FAM193A: variants seen among roughly 807,000 people sequenced by gnomAD.
FAM193A encodes family with sequence similarity 193 member A.
A neutral mutation model predicts 126.5 loss-of-function variants in FAM193A; 22 were observed. The ratio of observed to expected loss-of-function variants is 0.17; its 90% CI spans 0.12 to 0.25. FAM193A has a LOEUF of 0.25. FAM193A is among the 10% of genes least tolerant of loss of function. FAM193A has a pLI of 1.00. For synonymous variants in FAM193A, 761 were observed against 646.8 expected (o/e 1.18, Z -2.68); for missense variants, 1,675 against 1,672.8 (o/e 1.00, Z -0.02).
At chr4:2,642,118 GT>G (rs1428478040) in intron 6 of FAM193A, among the ~76,000 whole-genome samples, 1 of 132,192 alleles carries the variant, frequency 7.6e-6, no homozygotes. Flanking sequence ...GTGAAACCCC[GT>G]CTCTACTAAA....
rs748732999 is a variant in FAM193A at position 2,693,862 on chromosome 4, C to A, written c.3080C>A (p.Pro1027Gln). 10 of 1,613,226 alleles carry A rather than the reference C, an allele frequency of 6.2e-6. No homozygotes were observed. In the Admixed American group the frequency reaches 1.7e-4, roughly 27 times the overall value. Residue 1027 changes from proline to glutamine, a missense_variant, in exon 16 of 21, where the codon CCA becomes CAA. Around this residue, in one of 4 missense-constraint regions of FAM193A, gnomAD observed 1,186 missense variants for 1,109.2 expected, o/e 1.07. Transcript: ENST00000637812. Reference protein sequence around the residue: ...PATDGSISAPPSVCSDPDCEG... With the variant: ...PATDGSISAPQSVCSDPDCEG... ...ACAGATGGCTCCATTAGCGCCCCTCCAAGTGTCTGCAGGTGAGCCAAGTCC... is the reference window on the plus strand; with the variant it reads ...ACAGATGGCTCCATTAGCGCCCCTCAAAGTGTCTGCAGGTGAGCCAAGTCC...
At chr4:2,633,156 G>C (rs935266119) in intron 5 of FAM193A, among the ~76,000 whole-genome samples, 4 of 152,136 alleles carry the variant, frequency 2.6e-5, no homozygotes, top group Non-Finnish European at 5.9e-5. Context: ...CCAGCACTTT[G>C]GGAGGCCGAG....
At chr4:2,628,569 C>T (rs983291897) in intron 4 of FAM193A, among the ~76,000 whole-genome samples, 5 of 151,986 alleles carry the variant, frequency 3.3e-5, no homozygotes, top group African/African-American at 4.8e-5. Flanking sequence ...CCCAGGAGTT[C>T]GGTGCTGCAC....
chr4:2,709,367 T>C (rs1398492193), intron 19 of FAM193A, among the ~76,000 whole-genome samples: 1 of 152,190 alleles, frequency 6.6e-6, no homozygotes. Flanking sequence ...TTGTTCTGTC[T>C]GTATTAGCTT....
chr4:2,682,877 A>G (rs532677913), intron 13 of FAM193A, among the ~76,000 whole-genome samples: 1 of 152,286 alleles, frequency 6.6e-6, no homozygotes, highest in South Asian at 2.1e-4. Flanking sequence ...TTCAACAGTT[A>G]TCTTTTAGAT....
At chr4:2,614,719 C>T (rs1461931834) in intron 2 of FAM193A, among the ~76,000 whole-genome samples, 1 of 152,204 alleles carries the variant, frequency 6.6e-6, no homozygotes, top group Non-Finnish European at 1.5e-5. Context: ...CAGAATTCAC[C>T]AGTAAAGCTG....
In FAM193A at chr4:2,590,500, A is replaced by AAAC. The variant is rs1740498359; in HGVS notation, c.256-5582_256-5581insCAA. Among the ~76,000 whole-genome samples, 2 of 40,962 alleles carry AAAC rather than the reference A, an allele frequency of 4.9e-5. 1 individual carries two copies. The highest frequency in any genetic ancestry group is 1.8e-4 in the African/African-American group (2 of 11,380). The allele number at this position is 40,962 out of a possible 152,430, so 26.9% of individuals were successfully genotyped here. The stretch of plus-strand genomic sequence containing the variant: ...ACAAAAAAAAACAAAAAAAAACAAA[A>AAAC]AAAAACAAAAAAAAAACAAAACAAA... On this transcript the variant is annotated intron_variant, in intron 1 of 20. Transcript: ENST00000637812.
chr4:2,624,185 T>C (rs866263666), intron 2 of FAM193A, among the ~76,000 whole-genome samples: 1 of 149,630 alleles, frequency 6.7e-6, no homozygotes, highest in Non-Finnish European at 1.5e-5. Flanking sequence ...CTCTCTCTCT[T>C]TTTTTTTTTG....
intron 1 of FAM193A, among the ~76,000 whole-genome samples, chr4:2,557,727 C>G (rs747471975): frequency 1.3e-5 from 2 of 151,220 alleles, no homozygotes; most frequent in African/African-American, 4.9e-5. Flanking sequence ...CTGGGATGGA[C>G]GGATCATGAG....
intron 19 of FAM193A, among the ~76,000 whole-genome samples, chr4:2,701,057 T>C (rs1717673938): frequency 6.6e-6 from 1 of 151,578 alleles, no homozygotes; most frequent in Non-Finnish European, 1.5e-5. Flanking sequence ...TGCTTCGTTA[T>C]TCTCTCTCTC....
chr4:2,565,589 C>G (rs1738894991), intron 1 of FAM193A, among the ~76,000 whole-genome samples: 1 of 151,866 alleles, frequency 6.6e-6, no homozygotes, highest in Non-Finnish European at 1.5e-5. Context: ...AAAAAAAATT[C>G]ATGTAGTCCG....
intron 1 of FAM193A, among the ~76,000 whole-genome samples, chr4:2,590,493 AAACAAAAAAAAAC>A (rs1740492809): frequency 1.2e-5 from 1 of 86,408 alleles, no homozygotes; most frequent in Non-Finnish European, 2.1e-5. Flanking sequence ...AAACAAAAAA[AAACAAAAAAAAAC>A]AAAAAAAAAA....
chr4:2,650,057 A>G (rs1320571910), intron 7 of FAM193A, among the ~76,000 whole-genome samples: 2 of 152,190 alleles, frequency 1.3e-5, no homozygotes, highest in Non-Finnish European at 2.9e-5. Flanking sequence ...TCACCCCTAG[A>G]TGGGACCATC....
intron 5 of FAM193A, among the ~76,000 whole-genome samples, chr4:2,635,475 A>G (rs1316770122): frequency 6.6e-6 from 1 of 152,242 alleles, no homozygotes; most frequent in African/African-American, 2.4e-5. Flanking sequence ...ATTTTAACAT[A>G]TATTAGAGAA....
chr4:2,621,376 C>A (rs911383135), intron 2 of FAM193A, among the ~76,000 whole-genome samples: 5 of 152,130 alleles, frequency 3.3e-5, no homozygotes, highest in Non-Finnish European at 7.4e-5. Flanking sequence ...TTTGCTGAGG[C>A]CTGATGGGAC....
At chr4:2,547,985 G>C (rs1737672836) in intron 1 of FAM193A, among the ~76,000 whole-genome samples, 1 of 151,712 alleles carries the variant, frequency 6.6e-6, no homozygotes, top group Non-Finnish European at 1.5e-5. Flanking sequence ...CATCTCCCTG[G>C]TGCCTAATAA....
At chr4:2,678,551 C>T (rs1010167054) in intron 13 of FAM193A, among the ~76,000 whole-genome samples, 19 of 151,538 alleles carry the variant, frequency 1.3e-4, no homozygotes, top group Admixed American at 2.0e-4. Context: ...TTAGTAGAGA[C>T]GGGGTTTCAC....
intron 12 of FAM193A, among the ~76,000 whole-genome samples, chr4:2,665,068 G>C (rs531508039): frequency 6.6e-6 from 1 of 152,140 alleles, no homozygotes. Context: ...GATCAATTTA[G>C]GGAGAATGCA....
intron 1 of FAM193A, among the ~76,000 whole-genome samples, chr4:2,538,320 G>A (rs998609854): frequency 6.6e-6 from 1 of 151,692 alleles, no homozygotes; most frequent in African/African-American, 2.4e-5. Flanking sequence ...TCCTGCCTCA[G>A]CCTCTCGAGT....
Sources: allele counts gnomAD v4.1 joint callset (sites outside exome capture counted in the v4.1 genomes callset), GRCh38; gene constraint gnomAD v4.1.1; regional missense constraint gnomAD v4.1.1; transcripts MANE v1.5; gene names NCBI Gene and HGNC (gene_info 2026-07-23, HGNC 2026-07-21).